NEDD1: variants seen among roughly 807,000 people sequenced by gnomAD.
The protein encoded by NEDD1 is protein NEDD1.
A neutral mutation model predicts 74.0 loss-of-function variants in NEDD1; 33 were observed. The observed-to-expected ratio is 0.45, with a 90% CI of 0.34 to 0.60. The LOEUF is 0.60. Ranked by LOEUF, NEDD1 falls within the 20% of genes least tolerant of loss-of-function variation. The pLI is 0.01. For missense variants in NEDD1, 746 were observed against 776.5 expected (o/e 0.96, Z 0.47); for synonymous variants, 250 against 264.4 (o/e 0.95, Z 0.53).
rs1393979209 is a variant in NEDD1, at chr12:96,907,294, C to T, written c.-268C>T. On this transcript the variant is annotated 5_prime_UTR_variant, in exon 1 of 16. Coordinates refer to ENST00000266742, the MANE Select transcript of NEDD1 (RefSeq NM_152905.4). Reference sequence around the variant, plus strand: ...GCCGCGGCCCCCTGTTGTGTTGCTGCGGAGAGGTGAGGTTCCGGAGGCCCT... The same window carrying T: ...GCCGCGGCCCCCTGTTGTGTTGCTGTGGAGAGGTGAGGTTCCGGAGGCCCT... 3 of 300,512 alleles carry T rather than the reference C, an allele frequency of 1.0e-5. No homozygotes were observed. The highest frequency in any genetic ancestry group is 1.8e-5 in the Non-Finnish European group (3 of 164,934). 18.6% of individuals were successfully genotyped at this position (300,512 alleles called of 1,614,324 possible). A position where few individuals can be genotyped will look rare whatever the true frequency, so the allele number is the denominator to read the frequency against.
intron 6 of NEDD1, among the ~76,000 whole-genome samples, chr12:96,930,209 A>ACTCT (rs1490577855): frequency 1.5e-4 from 14 of 94,078 alleles, no homozygotes; most frequent in South Asian, 3.6e-4. Flanking sequence ...ACACACACAC[A>ACTCT]CACTCTCTCT....
intron 6 of NEDD1, among the ~76,000 whole-genome samples, chr12:96,920,484 C>T (rs1874953666): frequency 6.6e-6 from 1 of 152,088 alleles, no homozygotes; most frequent in Admixed American, 6.5e-5. Flanking sequence ...AAGACAGATA[C>T]ACTCATAAAT....
chr12:96,935,189 G>A lies in NEDD1; in HGVS notation c.703G>A (p.Asp235Asn), dbSNP rs1232880398. The A allele has an allele frequency of 6.4e-7, 1 of 1,574,536 alleles. No homozygotes were observed. Among genetic ancestry groups the A allele is most frequent in the Non-Finnish European group, 8.7e-7 (1 of 1,144,106 alleles). ...IGLDKRIILY[D>N]TSSKKLVKTL... ...CTTGGATAAAAGAATCATCCTCTAT[G>A]ACACTTCAAGTAAGAAGTAAGTGTG... The change falls in exon 7 of 16, where the codon GAC becomes AAC. Residue 235 changes from aspartate to asparagine, a missense_variant. Coordinates refer to ENST00000266742, the MANE Select transcript of NEDD1 (RefSeq NM_152905.4).
chr12:96,928,759 T>C (rs1365816029), intron 6 of NEDD1, among the ~76,000 whole-genome samples: 15 of 146,462 alleles, frequency 1.0e-4, no homozygotes. Flanking sequence ...CTGTCTGGGC[T>C]CACTGCAAGC....
intron 7 of NEDD1, 116 bp from the exon 8 acceptor site, chr12:96,936,495 C>T (rs1877106481): frequency 7.6e-6 from 5 of 655,808 alleles, no homozygotes; most frequent in Non-Finnish European, 1.3e-5. Flanking sequence ...GATATGTGTG[C>T]TCTTTGACCA....
At chr12:96,949,153 C>T (rs1233677962) in intron 14 of NEDD1, among the ~76,000 whole-genome samples, 1 of 152,202 alleles carries the variant, frequency 6.6e-6, no homozygotes, top group South Asian at 2.1e-4. Flanking sequence ...GGAATCAGCA[C>T]ATACTCTAGA....
chr12:96,934,942 TAATTAC>T, intron 6 of NEDD1, 28 bp from the exon 7 acceptor site: 1 of 386,954 alleles, frequency 2.6e-6, no homozygotes, highest in Non-Finnish European at 3.8e-6. Flanking sequence ...TGAATGCTTA[TAATTAC>T]ATAAAATTTA....
At chr12:96,918,407 GAAAAATATA>G (rs954913219) in intron 5 of NEDD1, among the ~76,000 whole-genome samples, 742 of 43,274 alleles carry the variant, frequency 0.017, 9 homozygotes, top group African/African-American at 0.069. Context: ...GTTTTAATAT[GAAAAATATA>G]AACATATTTA....
intron 6 of NEDD1, among the ~76,000 whole-genome samples, chr12:96,923,784 CTGTTTG>C (rs1162227031): frequency 4.2e-5 from 3 of 71,266 alleles, no homozygotes; most frequent in African/African-American, 1.2e-4. Context: ...TCCTTAATAC[CTGTTTG>C]TGTGTGTGTG....
intron 6 of NEDD1, among the ~76,000 whole-genome samples, chr12:96,928,814 G>A (rs576592584): frequency 6.6e-6 from 1 of 150,946 alleles, no homozygotes; most frequent in East Asian, 2.0e-4. Context: ...AGCCTCCCGA[G>A]TAGCTGCGAC....
chr12:96,926,915 A>T (rs1875759382), intron 6 of NEDD1, among the ~76,000 whole-genome samples: 1 of 151,346 alleles, frequency 6.6e-6, no homozygotes, highest in South Asian at 2.1e-4. Context: ...TGAGCCTGGG[A>T]GGTTGAGGCT....
chr12:96,951,032 GAT>G (rs1400472086), intron 14 of NEDD1, among the ~76,000 whole-genome samples: 2 of 151,770 alleles, frequency 1.3e-5, no homozygotes, highest in Non-Finnish European at 3.0e-5. Flanking sequence ...TTCATTGTAA[GAT>G]AAGTTTGTGT....
At chr12:96,917,886 T>A in intron 5 of NEDD1, 149 bp downstream of exon 5, 2 of 968,098 alleles carry the variant, frequency 2.1e-6, no homozygotes, top group Non-Finnish European at 2.8e-6. Context: ...AAGGTGCTAT[T>A]TAGCCAAAAA....
At chr12:96,930,197 ACACACACACACACACTCTCTCTCT>A (rs1443826192) in intron 6 of NEDD1, among the ~76,000 whole-genome samples, 11 of 73,708 alleles carry the variant, frequency 1.5e-4, no homozygotes, top group East Asian at 9.3e-4. Flanking sequence ...ACACACACAC[ACACACACACACACACTCTCTCTCT>A]CTCTCTCTCT....
rs778902701 is a variant in NEDD1, at chr12:96,909,914, AAAC to A, written c.136+21_136+23del. On this transcript the variant is annotated intron_variant, in intron 3 of 15. Transcript: ENST00000266742. ...AGCAATAGTATCCTTTAAAAAAAAA[AAAC>A]ACACACACACACACACAAACCGCTT... The A allele has an allele frequency of 1.5e-4, 223 of 1,536,320 alleles. No individual in the cohort carries two copies. The highest frequency in any genetic ancestry group is 2.3e-4 in the Admixed American group (12 of 52,468).
At chr12:96,933,860 T>C (rs1379677533) in intron 6 of NEDD1, among the ~76,000 whole-genome samples, 6 of 152,200 alleles carry the variant, frequency 3.9e-5, no homozygotes, top group Non-Finnish European at 1.5e-5. Flanking sequence ...AGTAACATTT[T>C]AGTAAAAAAG....
At chr12:96,942,253 A>G (rs113960667) in intron 10 of NEDD1, among the ~76,000 whole-genome samples, 2 of 152,246 alleles carry the variant, frequency 1.3e-5, no homozygotes, top group African/African-American at 4.8e-5. Flanking sequence ...CAAGGTCACA[A>G]AGCTATTAAG....
chr12:96,945,693 A>T lies in NEDD1; in HGVS notation c.1655A>T (p.Asn552Ile). 1.3e-6 allele frequency: 2 copies of T among 1,571,976 alleles called. No individual in the cohort carries two copies. Among genetic ancestry groups the T allele is most frequent in the Non-Finnish European group, 1.7e-6 (2 of 1,142,876 alleles). The change falls in exon 14 of 16, where the codon AAT becomes ATT. Residue 552 changes from asparagine (N) to isoleucine (I), a missense_variant and splice_region_variant. Around this residue, in one of 3 missense-constraint regions of NEDD1, gnomAD observed 706 missense variants for 706.7 expected, o/e 1.00. Transcript: ENST00000266742. ...EPPINGSSTPNPKIASSVTAG... is the reference protein window; with the variant it reads ...EPPINGSSTPIPKIASSVTAG... ...ATATTTTCTTCATTCTTTATTTTAG[A>T]TCCAAAGATAGCATCTTCTGTCACT... is the stretch of plus-strand genomic sequence containing the variant.
At chr12:96,911,725 G>A (rs1950905324) in intron 3 of NEDD1, among the ~76,000 whole-genome samples, 1 of 152,106 alleles carries the variant, frequency 6.6e-6, no homozygotes, top group Non-Finnish European at 1.5e-5. Flanking sequence ...TAAACAGGAA[G>A]AAGTCAAGGA....
Sources: allele counts gnomAD v4.1 joint callset (sites outside exome capture counted in the v4.1 genomes callset), GRCh38; gene constraint gnomAD v4.1.1; regional missense constraint gnomAD v4.1.1; transcripts MANE v1.5; gene names NCBI Gene and HGNC (gene_info 2026-07-23, HGNC 2026-07-21).